DDB1: variants seen among roughly 807,000 people sequenced by gnomAD.
The protein encoded by DDB1 is damage specific DNA binding protein 1, also known as DNA damage-binding protein 1.
DDB1 carries 18 observed loss-of-function variants against 133.1 expected under a neutral mutation model. That is an observed-to-expected ratio of 0.14 (90% CI 0.09 to 0.20). The LOEUF is 0.20. Among genes scored for constraint, DDB1 ranks in the 10% least tolerant of loss-of-function variants. The pLI is 1.00. For synonymous variants in DDB1, 580 were observed against 550.5 expected, an observed-to-expected ratio of 1.05 and a Z score of -0.75; for missense variants, 828 against 1,459.2, an observed-to-expected ratio of 0.57 and a Z score of 7.05.
chr11:61,326,363 C>T, intron 5 of DDB1: 1 of 265,190 alleles, frequency 3.8e-6, no homozygotes, highest in South Asian at 3.7e-5. Context: ...ATTATGCTGC[C>T]CAGGCTGAAC....
rs542344158 is a variant in DDB1, at chr11:61,325,460, A to G, written c.762+151T>C. On this transcript the variant is annotated intron_variant, in intron 6 of 26. Transcript: ENST00000301764. Reference sequence around the variant, plus strand: ...CAAATCCAGGCTAATCTCTCTCTGTATTCCCAATGGCCAACGCAATACCTT... The same window carrying G: ...CAAATCCAGGCTAATCTCTCTCTGTGTTCCCAATGGCCAACGCAATACCTT... 5.0e-5 allele frequency: 32 copies of G among 636,316 alleles called. 1 individual carries two copies. The highest frequency in any genetic ancestry group is 4.2e-4 in the Middle Eastern group (1 of 2,370). The allele number at this position is 636,316 out of a possible 1,614,324, so 39.4% of individuals were successfully genotyped here.
intron 6 of DDB1, among the ~76,000 whole-genome samples, chr11:61,325,229 T>G (rs902228312): frequency 6.6e-6 from 1 of 152,010 alleles, no homozygotes; most frequent in African/African-American, 2.4e-5. Flanking sequence ...TCCTAGCTAC[T>G]TGGGAGGTTG....
In DDB1 at chr11:61,302,355, C is replaced by T. The variant is rs1238139527; in HGVS notation, c.3117G>A (p.Leu1039=). 6.2e-7 allele frequency: 1 copy of T among 1,614,138 alleles called. No individual in the cohort carries two copies. Among genetic ancestry groups the T allele is most frequent in the East Asian group, 2.2e-5 (1 of 44,890 alleles). ...ACCAGCTCTCTGACAGTGAGGTCAC[C>T]AGCCCTGAAGAAGTGAAGGAGGCAG... The part of the protein sequence containing the change: ...LFGTVNGMIG[L]VTSLSESWYN... The change falls in exon 25 of 27, where the codon CTG becomes CTA. Residue 1039 remains leucine, a synonymous_variant. Coordinates refer to ENST00000301764, the MANE Select transcript of DDB1 (RefSeq NM_001923.5).
intron 21 of DDB1, among the ~76,000 whole-genome samples, chr11:61,308,048 A>G (rs1163352382): frequency 6.6e-6 from 1 of 152,118 alleles, no homozygotes; most frequent in African/African-American, 2.4e-5. Flanking sequence ...GAGAAGCAAC[A>G]TGACCTTTTG....
chr11:61,302,410 T>C (rs982170442), intron 24 of DDB1, 51 bp from the exon 25 acceptor site: 45 of 1,599,292 alleles, frequency 2.8e-5, no homozygotes, highest in African/African-American at 4.0e-5. Context: ...CCCCACAGCA[T>C]GTATCCTCTA....
intron 22 of DDB1, 33 bp from the exon 23 acceptor site, chr11:61,303,188 A>C: frequency 1.3e-6 from 2 of 1,598,060 alleles, no homozygotes; most frequent in Non-Finnish European, 1.7e-6. Flanking sequence ...AAGAAAGCAT[A>C]ATCAGCAGTT....
intron 16 of DDB1, among the ~76,000 whole-genome samples, chr11:61,312,455 G>A (rs1289389173): frequency 6.6e-6 from 1 of 151,898 alleles, no homozygotes; most frequent in Non-Finnish European, 1.5e-5. Context: ...GTGAGTCAGG[G>A]TGGGGCTTGA....
At chr11:61,323,765 C>CT in intron 7 of DDB1, 1 of 543,884 alleles carries the variant, frequency 1.8e-6, no homozygotes, top group South Asian at 2.5e-5. Flanking sequence ...CTTTCTTTTC[C>CT]TTTTCTCACA....
At chr11:61,322,025 T>C in intron 9 of DDB1, 2 of 540,542 alleles carry the variant, frequency 3.7e-6, no homozygotes, top group East Asian at 5.8e-5. Flanking sequence ...AAAAAGTTAC[T>C]TAATCTTTCT....
At chr11:61,326,168 G>A in intron 5 of DDB1, 1 of 248,028 alleles carries the variant, frequency 4.0e-6, no homozygotes, top group South Asian at 5.0e-5. Flanking sequence ...ACATAATGTA[G>A]GGGCAGACTT....
At chr11:61,307,724 A>G (rs1443258427) in intron 21 of DDB1, among the ~76,000 whole-genome samples, 1 of 152,182 alleles carries the variant, frequency 6.6e-6, no homozygotes, top group East Asian at 1.9e-4. Flanking sequence ...CCACTTAGAT[A>G]ACCACTGAAA....
rs777433519 is a variant in DDB1, at chr11:61,316,525, T to G, written c.1268A>C (p.Asp423Ala). Residue 423 changes from aspartate (D) to alanine (A), a missense_variant, in exon 11 of 27, where the codon GAC (aspartate) becomes GCC (alanine). By Grantham distance (126) the Asp-to-Ala change is moderately radical. Coordinates refer to ENST00000301764, the MANE Select transcript of DDB1 (RefSeq NM_001923.5). ...GCCCACAAAAGAGAGCACCAAAGTG[T>G]CATCAGTCTCACGATTAGGGTCAGA... ...LRSDPNRETD[D>A]TLVLSFVGQT... The G allele has an allele frequency of 6.2e-7, 1 of 1,614,052 alleles. No individual in the cohort carries two copies. The highest frequency in any genetic ancestry group is 1.1e-5 in the South Asian group (1 of 91,082).
At chr11:61,304,649 C>A (rs1007664965) in intron 21 of DDB1, among the ~76,000 whole-genome samples, 38 of 151,864 alleles carry the variant, frequency 2.5e-4, no homozygotes, top group African/African-American at 8.7e-4. Context: ...CCGAGACGGG[C>A]AGATCATGAG....
In DDB1 at chr11:61,314,127, A is replaced by C; in HGVS notation, c.1673T>G (p.Ile558Ser). The change falls in exon 14 of 27, where the codon ATT becomes AGT. Residue 558 changes from isoleucine to serine, a missense_variant. Transcript: ENST00000301764. ...AGCCGAGATGTCCGTCCAGAGGCCA[A>C]TGGCACAAAGAGGGGACAGTCCATT... ...DSNGLSPLCA[I>S]GLWTDISARI... The C allele has an allele frequency of 6.2e-7, 1 of 1,614,174 alleles. No individual in the cohort carries two copies. The highest frequency in any genetic ancestry group is 8.5e-7 in the Non-Finnish European group (1 of 1,180,000).
rs1590701233 is a variant in DDB1 at position 61,329,546 on chromosome 11, G to A, written c.366C>T (p.Gly122=). 7 of 1,614,068 alleles carry A rather than the reference G, an allele frequency of 4.3e-6. No individual in the cohort carries two copies. The East Asian group carries it at 1.6e-4, about 36-fold the overall frequency. ...IGRPSETGII[G]IIDPECRMIG... is the part of the protein sequence containing the mutation. ...TCATCCGGCACTCAGGGTCAATGAT[G>A]CCAATAATGCCGGTCTCTGAGGGGC... Residue 122 remains glycine, a synonymous_variant, in exon 4 of 27, where the codon GGC becomes GGT. Coordinates refer to ENST00000301764, the MANE Select transcript of DDB1 (RefSeq NM_001923.5).
chr11:61,322,288 G>A lies in DDB1; in HGVS notation c.1122+8C>T. On this transcript the variant is annotated splice_region_variant and intron_variant, in intron 9 of 26. Coordinates refer to ENST00000301764, the MANE Select transcript of DDB1 (RefSeq NM_001923.5). ...ATACCAACTATCCACTTTCAGAATG[G>A]CCCTTACCTGCCCCTGCCCCTGCCT... The A allele has an allele frequency of 6.2e-7, 1 of 1,609,140 alleles. No individual in the cohort carries two copies. The highest frequency in any genetic ancestry group is 8.5e-7 in the Non-Finnish European group (1 of 1,175,616).
intron 4 of DDB1, among the ~76,000 whole-genome samples, chr11:61,328,931 C>T (rs1308052923): frequency 2.0e-5 from 3 of 152,102 alleles, no homozygotes; most frequent in Admixed American, 6.5e-5. Context: ...GATTACTGGA[C>T]AAAATGTAAA....
At position 61,331,663 on chromosome 11, in the gene DDB1, G is replaced by A. The variant is rs1324750730; in HGVS notation, c.90C>T (p.Asn30=). Residue 30 remains asparagine, a synonymous_variant, in exon 2 of 27, where the codon AAC becomes AAT. Coordinates refer to ENST00000301764, the MANE Select transcript of DDB1 (RefSeq NM_001923.5). ...ATCTCGTGTTTTTGGCAATCAACAGGTTTAAGTCTTCGGCCGAAGTAAAGT... is the reference window on the plus strand; with the variant it reads ...ATCTCGTGTTTTTGGCAATCAACAGATTTAAGTCTTCGGCCGAAGTAAAGT... ...TGHFTSAEDL[N]LLIAKNTRLE... 1 of 1,614,130 alleles carries A rather than the reference G, an allele frequency of 6.2e-7. No homozygotes were observed. Among genetic ancestry groups the A allele is most frequent in the East Asian group, 2.2e-5 (1 of 44,890 alleles).
At chr11:61,311,190 T>G (rs942184091) in intron 18 of DDB1, 1 of 152,730 alleles carries the variant, frequency 6.5e-6, no homozygotes, top group African/African-American at 2.4e-5. Flanking sequence ...AGGTAGAGGT[T>G]GCAGTGAGCC....
Sources: gnomAD v4.1 joint callset for allele counts (sites outside exome capture counted in the v4.1 genomes callset) on GRCh38, gnomAD v4.1.1 for gene constraint, MANE v1.5 for transcripts, NCBI Gene and HGNC (gene_info 2026-07-23, HGNC 2026-07-21) for gene names.